Variants in KIT observed in about 807,000 individuals in gnomAD.
KIT encodes KIT proto-oncogene, receptor tyrosine kinase.
A neutral mutation model predicts 105.7 loss-of-function variants in KIT; 16 were observed. The ratio of observed to expected loss-of-function variants is 0.15; its 90% CI spans 0.10 to 0.23. The LOEUF is 0.23. Ranked by LOEUF, KIT falls within the 10% of genes least tolerant of loss-of-function variation. The pLI, the probability that KIT is intolerant of heterozygous loss-of-function variation, is 1.00. For synonymous variants in KIT, 438 were observed against 441.1 expected, an observed-to-expected ratio of 0.99 and a Z score of 0.09; for missense variants, 858 against 1,213.8, an observed-to-expected ratio of 0.71 and a Z score of 4.36.
At chr4:54,693,022 CTTCT>C (rs1279864507) in intron 1 of KIT, among the ~76,000 whole-genome samples, 1 of 152,166 alleles carries the variant, frequency 6.6e-6, no homozygotes, top group Non-Finnish European at 1.5e-5. Context: ...CACAAGTGCT[CTTCT>C]TTCTATCTCG....
intron 7 of KIT, among the ~76,000 whole-genome samples, chr4:54,719,826 A>G (rs1429163621): frequency 6.6e-6 from 1 of 152,138 alleles, no homozygotes; most frequent in South Asian, 2.1e-4. Context: ...CATTTTTAGG[A>G]ATTAGATTTC....
At chr4:54,669,155 G>A (rs1449612599) in intron 1 of KIT, among the ~76,000 whole-genome samples, 4 of 152,084 alleles carry the variant, frequency 2.6e-5, no homozygotes, top group African/African-American at 9.7e-5. Context: ...TGTGCAGCTG[G>A]GAAATAGTAT....
chr4:54,687,783 A>G (rs1371889757), intron 1 of KIT, among the ~76,000 whole-genome samples: 2 of 152,088 alleles, frequency 1.3e-5, no homozygotes, highest in African/African-American at 4.8e-5. Context: ...GCAAACACAT[A>G]TACAAAGTCT....
rs894439242 is a variant in KIT at position 54,658,047 on chromosome 4, C to G, written c.33C>G (p.Leu11=). The change falls in exon 1 of 21, where the codon CTC becomes CTG. Residue 11 remains leucine (L), a synonymous_variant. Transcript: ENST00000288135. MRGARGAWDF[L]CVLLLLLRVQ... is the part of the protein sequence containing the mutation. ...GCGCTCGCGGCGCCTGGGATTTTCT[C>G]TGCGTTCTGCTCCTACTGCTTCGCG... 2.5e-6 allele frequency: 4 copies of G among 1,613,870 alleles called. No individual in the cohort carries two copies. In the African/African-American group the frequency reaches 4.0e-5, roughly 16 times the overall value.
chr4:54,719,768 AACACGG>A (rs763510741), intron 7 of KIT, among the ~76,000 whole-genome samples: 6 of 152,204 alleles, frequency 3.9e-5, no homozygotes, highest in African/African-American at 7.2e-5. Context: ...TTTAATGCCA[AACACGG>A]TGCATTGAGG....
In KIT at chr4:54,703,654, C is replaced by A. The variant is rs1018986192; in HGVS notation, c.757-70C>A. The A allele has an allele frequency of 3.1e-6, 4 of 1,294,442 alleles. No homozygotes were observed. In the East Asian group the frequency reaches 7.4e-5, roughly 24 times the overall value. 80.2% of individuals were successfully genotyped at this position (1,294,442 alleles called of 1,614,324 possible). On this transcript the variant is annotated intron_variant, in intron 4 of 20. Coordinates refer to ENST00000288135, the MANE Select transcript of KIT (RefSeq NM_000222.3). ...TTAATTGCTGCTATTTTTAATTTAT[C>A]TAGGAAAGATTCTGAATATAAATTA...
At position 54,709,007 on chromosome 4, in the gene KIT, CT is replaced by C. The variant is rs531264953; in HGVS notation, c.1116-416del. Among the ~76,000 whole-genome samples, 33 of 152,178 alleles carry C rather than the reference CT, an allele frequency of 2.2e-4. No individual in the cohort carries two copies. The South Asian group carries it at 6.6e-3, about 31-fold the overall frequency. ...GGACCTCGCTGAGGGCCCAGAGTGT[CT>C]GTGTGAGGGCAGTGAGCATGTGCAT... On this transcript the variant is annotated intron_variant, in intron 6 of 20. Transcript: ENST00000288135.
intron 7 of KIT, among the ~76,000 whole-genome samples, chr4:54,716,149 G>A (rs1299707215): frequency 6.6e-6 from 1 of 152,180 alleles, no homozygotes; most frequent in African/African-American, 2.4e-5. Context: ...GCTTTTCAGT[G>A]TTTTCCCCAT....
intron 9 of KIT, among the ~76,000 whole-genome samples, chr4:54,726,950 C>T (rs1722258822): frequency 6.6e-6 from 1 of 152,110 alleles, no homozygotes; most frequent in African/African-American, 2.4e-5. Context: ...TCAGATGTTG[C>T]TTTTCATTGA....
In KIT at chr4:54,736,836, T is replaced by C; in HGVS notation, c.2696+16T>C. Reference sequence around the variant, plus strand: ...CTGCTGAAATGTAAGAGCCAAAAAATTTTTCCTTTAGGTCACGTTTTCCCT... The same window carrying C: ...CTGCTGAAATGTAAGAGCCAAAAAACTTTTCCTTTAGGTCACGTTTTCCCT... On this transcript the variant is annotated intron_variant, in intron 19 of 20. Coordinates refer to ENST00000288135, the MANE Select transcript of KIT (RefSeq NM_000222.3). The C allele has an allele frequency of 6.2e-7, 1 of 1,609,306 alleles. No homozygotes were observed. Among genetic ancestry groups the C allele is most frequent in the Non-Finnish European group, 8.5e-7 (1 of 1,175,752 alleles).
intron 6 of KIT, among the ~76,000 whole-genome samples, chr4:54,709,057 CTG>C (rs1720972744): frequency 2.0e-5 from 3 of 148,900 alleles, no homozygotes; most frequent in East Asian, 2.1e-4. Flanking sequence ...GTTCAGGACA[CTG>C]TGGAGAGCAG....
At chr4:54,659,536 G>C (rs1036845512) in intron 1 of KIT, among the ~76,000 whole-genome samples, 1 of 152,182 alleles carries the variant, frequency 6.6e-6, no homozygotes, top group Non-Finnish European at 1.5e-5. Flanking sequence ...AAAGTCTCCA[G>C]GCGCAGTCTG....
chr4:54,726,042 A>G lies in KIT; in HGVS notation c.1532A>G (p.Asn511Ser), dbSNP rs2109769831. ...TATTTTAACTTTGCATTTAAAGGTA[A>G]CAACAAAGGTATATTTCTTTTTAAT... Reference protein sequence around the residue: ...SAYFNFAFKGNNKEQIHPHTL... With the variant: ...SAYFNFAFKGSNKEQIHPHTL... The change falls in exon 9 of 21, where the codon AAC becomes AGC. Residue 511 changes from asparagine to serine, a missense_variant. Coordinates refer to ENST00000288135, the MANE Select transcript of KIT (RefSeq NM_000222.3). 6.2e-7 allele frequency: 1 copy of G among 1,613,274 alleles called. No homozygotes were observed.
intron 2 of KIT, among the ~76,000 whole-genome samples, chr4:54,696,242 C>T (rs1473406600): frequency 6.6e-6 from 1 of 152,200 alleles, no homozygotes; most frequent in Non-Finnish European, 1.5e-5. Flanking sequence ...GTCAGCTAAA[C>T]ATCCCATGTC....
At chr4:54,684,262 G>C (rs1209474207) in intron 1 of KIT, among the ~76,000 whole-genome samples, 3 of 152,084 alleles carry the variant, frequency 2.0e-5, no homozygotes, top group Non-Finnish European at 4.4e-5. Context: ...TCCCTCTCTA[G>C]CCTTGGCGAA....
intron 1 of KIT, among the ~76,000 whole-genome samples, chr4:54,678,343 T>C (rs868337759): frequency 0.013 from 1,213 of 95,736 alleles, 29 homozygotes; most frequent in Middle Eastern, 0.025. Context: ...CTTCCTTCCT[T>C]CCTTCCTTCC....
At chr4:54,698,684 C>A in intron 3 of KIT, 119 bp downstream of exon 3, 1 of 1,137,102 alleles carries the variant, frequency 8.8e-7, no homozygotes, top group South Asian at 1.3e-5. Context: ...TCATAGTTCC[C>A]CCAGCTTCAA....
At chr4:54,703,680 T>C (rs771144014) in intron 4 of KIT, 44 bp from the exon 5 acceptor site, 22 of 1,493,406 alleles carry the variant, frequency 1.5e-5, no homozygotes, top group South Asian at 1.3e-4. Flanking sequence ...ATATAAATTA[T>C]ATGGTAATCT....
chr4:54,690,434 A>G (rs946297495), intron 1 of KIT, among the ~76,000 whole-genome samples: 3 of 152,194 alleles, frequency 2.0e-5, no homozygotes, highest in Admixed American at 6.5e-5. Context: ...AGCACTTACC[A>G]AGTAGCTGGG....
Sources: allele counts gnomAD v4.1 joint callset (sites outside exome capture counted in the v4.1 genomes callset), GRCh38; gene constraint gnomAD v4.1.1; transcripts MANE v1.5; gene names NCBI Gene and HGNC (gene_info 2026-07-23, HGNC 2026-07-21).